The following MTREX variants were observed in gnomAD, a reference collection of about 807,000 sequenced individuals.
MTREX encodes exosome RNA helicase MTR4.
MTREX carries 76 observed loss-of-function variants against 135.4 expected under a neutral mutation model. The ratio of observed to expected loss-of-function variants is 0.56; its 90% confidence interval spans 0.47 to 0.68. The LOEUF (loss-of-function observed/expected upper bound fraction) is 0.68. Ranked by LOEUF, MTREX falls within the 30% of genes least tolerant of loss-of-function variation. The pLI is 0.00. For synonymous variants in MTREX, 404 were observed against 401.6 expected (o/e 1.01, Z -0.07); for missense variants, 920 against 1,262.1 (o/e 0.73, Z 4.11).
In MTREX at chr5:55,358,555, T is replaced by C; in HGVS notation, c.1534-18T>C. ...CAGTTTTTTTCCTAAACTCTGAATT[T>C]TAACTATGTTCATTCAGATTTCTTC... is the stretch of plus-strand genomic sequence containing the variant. On this transcript the variant is annotated intron_variant, in intron 14 of 26. Transcript: ENST00000230640. 6.4e-7 allele frequency: 1 copy of C among 1,572,828 alleles called. No homozygotes were observed. The highest frequency in any genetic ancestry group is 8.6e-7 in the Non-Finnish European group (1 of 1,168,460).
At position 55,345,259 on chromosome 5, in the gene MTREX, TA is replaced by T. The variant is rs1311215179; in HGVS notation, c.1108+64del. On this transcript the variant is annotated intron_variant, in intron 10 of 26. Coordinates refer to ENST00000230640, the MANE Select transcript of MTREX (RefSeq NM_015360.5). ...AAATTGTATATTCAGATTACTCTGA[TA>T]TTTTTTGTCTTAGTTTTTTTTTCTC... is the stretch of plus-strand genomic sequence containing the variant. 4.2e-5 allele frequency: 45 copies of T among 1,076,882 alleles called. No individual in the cohort carries two copies. In the East Asian group the frequency reaches 9.0e-4, roughly 21 times the overall value. The allele number at this position is 1,076,882 out of a possible 1,614,324, so 66.7% of individuals were successfully genotyped here. A position where few individuals can be genotyped will look rare whatever the true frequency, so the allele number is the denominator to read the frequency against.
intron 25 of MTREX, among the ~76,000 whole-genome samples, chr5:55,417,391 A>G (rs1339678238): frequency 6.6e-6 from 1 of 152,214 alleles, no homozygotes; most frequent in East Asian, 1.9e-4. Context: ...TGAGGGCACG[A>G]TGATTTAAAC....
intron 18 of MTREX, among the ~76,000 whole-genome samples, chr5:55,385,799 G>A (rs560431620): frequency 6.6e-5 from 10 of 152,070 alleles, no homozygotes; most frequent in South Asian, 2.1e-4. Context: ...TTACAAGTAC[G>A]CATACACACA....
At chr5:55,344,958 G>T in intron 9 of MTREX, 136 bp from the exon 10 acceptor site, 1 of 623,556 alleles carries the variant, frequency 1.6e-6, no homozygotes. Flanking sequence ...TCTTACCACA[G>T]ATCATGTTTG....
In MTREX at chr5:55,345,633, A is replaced by G. The variant is rs115629324; in HGVS notation, c.1108+437A>G. 2.5e-3 allele frequency among the ~76,000 whole-genome samples: 374 copies of G among 149,386 alleles called. 1 individual carries two copies. The highest frequency in any genetic ancestry group is 8.9e-3 in the African/African-American group (364 of 40,740). Reference sequence around the variant, plus strand: ...TTGGAGCAACTGGCTTCTTTCACTTAATGTAATGTTTTCAAGGTTCGTTAC... The same window carrying G: ...TTGGAGCAACTGGCTTCTTTCACTTGATGTAATGTTTTCAAGGTTCGTTAC... On this transcript the variant is annotated intron_variant, in intron 10 of 26. Transcript: ENST00000230640.
intron 16 of MTREX, among the ~76,000 whole-genome samples, chr5:55,369,057 T>G (rs974282787): frequency 1.3e-5 from 2 of 151,836 alleles, no homozygotes; most frequent in African/African-American, 2.4e-5. Context: ...CTCAGAGAAG[T>G]GTATTTTTAA....
intron 1 of MTREX, among the ~76,000 whole-genome samples, chr5:55,321,252 T>G (rs1454747693): frequency 1.3e-5 from 2 of 152,170 alleles, no homozygotes; most frequent in African/African-American, 4.8e-5. Flanking sequence ...AACCAAAAAG[T>G]TTGAGCCACT....
intron 10 of MTREX, 113 bp from the exon 11 acceptor site, chr5:55,346,900 C>A: frequency 3.6e-6 from 3 of 831,880 alleles, no homozygotes; most frequent in Non-Finnish European, 3.5e-6. Context: ...AACCCACGGT[C>A]AGGAAGATTT....
chr5:55,367,871 G>A (rs1006914920), intron 16 of MTREX, among the ~76,000 whole-genome samples: 9 of 152,316 alleles, frequency 5.9e-5, no homozygotes, highest in South Asian at 4.1e-4. Context: ...CGTAGTCATC[G>A]TAAAAAGGAG....
At chr5:55,349,802 C>G (rs1284686794) in intron 12 of MTREX, 150 bp downstream of exon 12, 1 of 507,118 alleles carries the variant, frequency 2.0e-6, no homozygotes, top group East Asian at 3.4e-5. Flanking sequence ...TTGACTTTTA[C>G]TTTAAACTTC....
chr5:55,330,391 T>C (rs1184308707), intron 5 of MTREX, among the ~76,000 whole-genome samples: 2 of 152,110 alleles, frequency 1.3e-5, no homozygotes, highest in African/African-American at 4.8e-5. Flanking sequence ...AGATATTATC[T>C]TTTCTTTGCT....
intron 1 of MTREX, among the ~76,000 whole-genome samples, chr5:55,310,871 GGCCTC>G (rs1305366981): frequency 1.2e-4 from 18 of 152,118 alleles, no homozygotes; most frequent in Non-Finnish European, 2.5e-4. Context: ...TCGAACTCCT[GGCCTC>G]AAGCATTCCT....
At chr5:55,407,266 G>A (rs1251755052) in intron 22 of MTREX, among the ~76,000 whole-genome samples, 1 of 152,082 alleles carries the variant, frequency 6.6e-6, no homozygotes, top group East Asian at 1.9e-4. Context: ...CCACCAAAAG[G>A]GGGCAGTGAC....
chr5:55,318,159 T>C (rs958386880), intron 1 of MTREX, among the ~76,000 whole-genome samples: 17 of 152,190 alleles, frequency 1.1e-4, no homozygotes, highest in African/African-American at 2.2e-4. Context: ...GGATCACTTA[T>C]AACTGTTGGT....
chr5:55,353,292 C>T (rs1415960752), intron 14 of MTREX, 23 bp downstream of exon 14: 2 of 1,495,088 alleles, frequency 1.3e-6, no homozygotes, highest in Non-Finnish European at 1.8e-6. Context: ...ATTCATATAT[C>T]AAAATAATTT....
chr5:55,397,972 G>C (rs1161552236), intron 20 of MTREX, among the ~76,000 whole-genome samples: 1 of 152,082 alleles, frequency 6.6e-6, no homozygotes, highest in African/African-American at 2.4e-5. Flanking sequence ...TGTAATCCCA[G>C]CTCTCTGGGA....
intron 16 of MTREX, among the ~76,000 whole-genome samples, chr5:55,376,872 C>A (rs1750310837): frequency 6.6e-6 from 1 of 151,852 alleles, no homozygotes; most frequent in Non-Finnish European, 1.5e-5. Flanking sequence ...GAGTTCAAAA[C>A]CAGCCTGGCC....
intron 1 of MTREX, among the ~76,000 whole-genome samples, chr5:55,314,867 C>A (rs1489707997): frequency 6.6e-6 from 1 of 152,176 alleles, no homozygotes; most frequent in African/African-American, 2.4e-5. Context: ...AACCTAAATT[C>A]TTCACATGTA....
intron 11 of MTREX, among the ~76,000 whole-genome samples, chr5:55,349,128 C>G (rs1364662215): frequency 6.7e-6 from 1 of 149,878 alleles, no homozygotes; most frequent in Non-Finnish European, 1.5e-5. Context: ...TAATTTTTAT[C>G]TACTTTCTGC....
Sources: gnomAD v4.1 joint callset for allele counts (sites outside exome capture counted in the v4.1 genomes callset) on GRCh38, gnomAD v4.1.1 for gene constraint, MANE v1.5 for transcripts, NCBI Gene and HGNC (gene_info 2026-07-23, HGNC 2026-07-21) for gene names.